The following CADM2 variants were observed in gnomAD, a reference collection of about 807,000 sequenced individuals.
CADM2 encodes the protein immunoglobulin superfamily member 4D.
A neutral mutation model predicts 49.8 loss-of-function variants in CADM2; 12 were observed. The ratio of observed to expected loss-of-function variants is 0.24; its 90% confidence interval spans 0.15 to 0.39. CADM2 has a LOEUF of 0.39. Ranked by LOEUF, CADM2 falls within the 10% of genes least tolerant of loss-of-function variation. The probability of loss-of-function intolerance (pLI) is 1.00; values close to 1 mark genes in which losing one functional copy is unlikely to be tolerated. For synonymous variants in CADM2, 214 were observed against 175.4 expected, an observed-to-expected ratio of 1.22 and a Z score of -1.74; for missense variants, 378 against 492.3, an observed-to-expected ratio of 0.77 and a Z score of 2.20.
intron 1 of CADM2, among the ~76,000 whole-genome samples, chr3:85,549,786 G>C (rs2061754633): frequency 1.1e-5 from 1 of 88,132 alleles, no homozygotes; most frequent in East Asian, 7.1e-4. Flanking sequence ...ACCATGCTGG[G>C]CTATTTTTTT....
chr3:85,165,995 T>A (rs1244278199), intron 1 of CADM2, among the ~76,000 whole-genome samples: 1 of 151,458 alleles, frequency 6.6e-6, no homozygotes, highest in Non-Finnish European at 1.5e-5. Context: ...CACTTTATAA[T>A]TTTTTTTCCC....
At chr3:85,667,955 C>T (rs1394125148) in intron 1 of CADM2, among the ~76,000 whole-genome samples, 1 of 151,992 alleles carries the variant, frequency 6.6e-6, no homozygotes. Context: ...CCAGCTCTTA[C>T]TATCTATTTC....
At chr3:86,057,637 ATAAAACT>A (rs972111520) in intron 8 of CADM2, among the ~76,000 whole-genome samples, 1 of 152,210 alleles carries the variant, frequency 6.6e-6, no homozygotes, top group Admixed American at 6.5e-5. Context: ...TTGGGGGAAG[ATAAAACT>A]TAAACAAGTG....
intron 7 of CADM2, among the ~76,000 whole-genome samples, chr3:85,946,541 AACCAAAACAGCATGGTACTGGT>A (rs1414056943): frequency 2.7e-4 from 41 of 152,216 alleles, no homozygotes; most frequent in African/African-American, 8.4e-4. Flanking sequence ...AAGCTACAGT[AACCAAAACAGCATGGTACTGGT>A]ACCAAAACAG....
At chr3:85,972,440 C>T in intron 8 of CADM2, among the ~76,000 whole-genome samples, 1 of 151,706 alleles carries the variant, frequency 6.6e-6, no homozygotes, top group East Asian at 1.9e-4. Context: ...TCTTTATCAT[C>T]CTGGGACCAC....
chr3:85,207,850 G>T (rs1037822644), intron 1 of CADM2, among the ~76,000 whole-genome samples: 3 of 152,070 alleles, frequency 2.0e-5, no homozygotes, highest in Admixed American at 1.3e-4. Context: ...CTTGAAAGGA[G>T]TTTTTTTGTT....
intron 3 of CADM2, among the ~76,000 whole-genome samples, chr3:85,877,804 A>G (rs1712142542): frequency 6.6e-6 from 1 of 150,594 alleles, no homozygotes. Context: ...TCACATATAG[A>G]CAGAGTTTAG....
At chr3:85,361,875 G>A (rs1307359942) in intron 1 of CADM2, among the ~76,000 whole-genome samples, 1 of 152,138 alleles carries the variant, frequency 6.6e-6, no homozygotes, top group Non-Finnish European at 1.5e-5. Context: ...TTAGTCTGTG[G>A]ATAGATGGCC....
At chr3:85,092,617 C>T (rs1188045799) in intron 1 of CADM2, among the ~76,000 whole-genome samples, 1 of 152,068 alleles carries the variant, frequency 6.6e-6, no homozygotes, top group African/African-American at 2.4e-5. Flanking sequence ...ATCAGTTTAG[C>T]CTCATCAGTT....
intron 1 of CADM2, among the ~76,000 whole-genome samples, chr3:85,568,481 TTCTTTCTTTCTTTCTTTC>T (rs1559916154): frequency 1.0e-4 from 5 of 49,680 alleles, no homozygotes; most frequent in East Asian, 1.7e-3. Context: ...CTCTCTTTCT[TTCTTTCTTTCTTTCTTTC>T]TTTCTTTCTT....
chr3:85,292,720 A>G lies in CADM2; in HGVS notation c.61+333052A>G, dbSNP rs1327259288. On this transcript the variant is annotated intron_variant, in intron 1 of 9. Coordinates refer to ENST00000383699, the MANE Select transcript of CADM2 (RefSeq NM_001167675.2). ...TACATAACGAAATGAAGGCAGAAATAAAGATGTTCTTTGAAATCAACGAGA... is the reference window on the plus strand; with the variant it reads ...TACATAACGAAATGAAGGCAGAAATGAAGATGTTCTTTGAAATCAACGAGA... 1.6e-4 allele frequency among the ~76,000 whole-genome samples: 24 copies of G among 152,250 alleles called. No individual in the cohort carries two copies. The Middle Eastern group carries it at 0.014, about 87-fold the overall frequency.
In CADM2 at chr3:85,928,245, G is replaced by A. The variant is rs185848303; in HGVS notation, c.701-7522G>A. Among the ~76,000 whole-genome samples the A allele has an allele frequency of 3.4e-4, 50 of 148,148 alleles. No individual in the cohort carries two copies. The East Asian group carries it at 8.4e-3, about 25-fold the overall frequency. On this transcript the variant is annotated intron_variant, in intron 6 of 9. Transcript: ENST00000383699. ...ACGATCTCGGCTCACTGTAACCTCC[G>A]CCTCCCGGGTTCAAGTGATTCTCCT...
chr3:85,565,503 C>A (rs888852540), intron 1 of CADM2, among the ~76,000 whole-genome samples: 4 of 152,030 alleles, frequency 2.6e-5, no homozygotes, highest in Non-Finnish European at 5.9e-5. Flanking sequence ...ATCTTTAGAG[C>A]ATAATACTTT....
chr3:85,501,075 A>G (rs1166506384), intron 1 of CADM2, among the ~76,000 whole-genome samples: 2 of 152,186 alleles, frequency 1.3e-5, no homozygotes, highest in Non-Finnish European at 2.9e-5. Context: ...GAATGTCACC[A>G]GTTGTTTTCA....
intron 1 of CADM2, among the ~76,000 whole-genome samples, chr3:85,248,120 A>T (rs1285168006): frequency 6.6e-6 from 1 of 152,188 alleles, no homozygotes; most frequent in African/African-American, 2.4e-5. Context: ...CTGAAGTATC[A>T]TTTAAAATGA....
chr3:85,908,873 C>T (rs544768532), intron 5 of CADM2, among the ~76,000 whole-genome samples: 7 of 151,914 alleles, frequency 4.6e-5, no homozygotes, highest in South Asian at 4.2e-4. Flanking sequence ...TACAGGCACC[C>T]GCCACCAGGC....
intron 1 of CADM2, among the ~76,000 whole-genome samples, chr3:85,269,283 A>G (rs1217604756): frequency 6.6e-6 from 1 of 151,476 alleles, no homozygotes; most frequent in East Asian, 1.9e-4. Context: ...ATTTTTAGTT[A>G]TTCATTTACA....
intron 1 of CADM2, among the ~76,000 whole-genome samples, chr3:85,212,476 C>T (rs778386694): frequency 5.3e-5 from 8 of 151,998 alleles, no homozygotes; most frequent in Non-Finnish European, 1.0e-4. Flanking sequence ...ATGAGGATTA[C>T]AAGTAATATC....
At chr3:85,012,927 G>A (rs1378712640) in intron 1 of CADM2, among the ~76,000 whole-genome samples, 1 of 151,506 alleles carries the variant, frequency 6.6e-6, no homozygotes, top group Non-Finnish European at 1.5e-5. Context: ...GTTTTCCATT[G>A]ATGTTTTACT....
Sources: allele counts gnomAD v4.1 joint callset (sites outside exome capture counted in the v4.1 genomes callset), GRCh38; gene constraint gnomAD v4.1.1; transcripts MANE v1.5; gene names NCBI Gene and HGNC (gene_info 2026-07-23, HGNC 2026-07-21).